The following PCLO variants were observed in gnomAD, a reference collection of about 807,000 sequenced individuals.
The protein encoded by PCLO is piccolo presynaptic cytomatrix protein, also known as protein piccolo.
PCLO carries 82 observed loss-of-function variants against 427.5 expected under a neutral mutation model. The ratio of observed to expected loss-of-function variants is 0.19; its 90% CI spans 0.16 to 0.23. The LOEUF (loss-of-function observed/expected upper bound fraction) is 0.23, where lower values mean the gene tolerates loss of function less well. Among genes scored for constraint, PCLO ranks in the 10% least tolerant of loss-of-function variants. PCLO has a pLI of 1.00. For synonymous variants in PCLO, 2,357 were observed against 2,155.4 expected (o/e 1.09, Z -2.59); for missense variants, 6,239 against 6,115.9 (o/e 1.02, Z -0.67).
intron 3 of PCLO, among the ~76,000 whole-genome samples, chr7:83,075,688 C>T (rs1469525395): frequency 1.3e-5 from 2 of 151,960 alleles, no homozygotes; most frequent in African/African-American, 4.8e-5. Context: ...TGTGTAATGA[C>T]AAGTTAAAAT....
chr7:83,112,198 C>T (rs1273383610), intron 3 of PCLO, among the ~76,000 whole-genome samples: 1 of 152,078 alleles, frequency 6.6e-6, no homozygotes, highest in African/African-American at 2.4e-5. Context: ...GCTGAGATTA[C>T]AAGTGCCCGC....
chr7:82,772,162 C>T (rs1790660213), intron 22 of PCLO, among the ~76,000 whole-genome samples: 1 of 152,096 alleles, frequency 6.6e-6, no homozygotes, highest in African/African-American at 2.4e-5. Context: ...TTTCTCTAAT[C>T]TTTCCAGCAA....
chr7:83,072,289 GAATA>G (rs1789837961), intron 3 of PCLO, among the ~76,000 whole-genome samples: 1 of 151,884 alleles, frequency 6.6e-6, no homozygotes, highest in Non-Finnish European at 1.5e-5. Context: ...ACATATTTTA[GAATA>G]AAAACTTGAC....
At chr7:83,059,931 G>C (rs1789502145) in intron 3 of PCLO, among the ~76,000 whole-genome samples, 2 of 152,164 alleles carry the variant, frequency 1.3e-5, no homozygotes, top group Non-Finnish European at 2.9e-5. Context: ...GATGACTGTA[G>C]CATTTTTTGA....
In PCLO at chr7:82,925,713, C is replaced by CTTTTTT. The variant is rs34017885; in HGVS notation, c.11113-8846_11113-8841dup. On this transcript the variant is annotated intron_variant, in intron 6 of 24. Transcript: ENST00000333891. Reference sequence around the variant, plus strand: ...TGCAAAAGCTCAAGAATTTTTGTTGCTTTTTTTTTTTTTTTTTTTTTTTTG... The same window carrying CTTTTTT: ...TGCAAAAGCTCAAGAATTTTTGTTGCTTTTTTTTTTTTTTTTTTTTTTTTTTTTTTG... Among the ~76,000 whole-genome samples, 207 of 79,008 alleles carry CTTTTTT rather than the reference C, an allele frequency of 2.6e-3. 4 individuals carry two copies. Among genetic ancestry groups the CTTTTTT allele is most frequent in the African/African-American group, 9.1e-3 (187 of 20,646 alleles). 51.8% of individuals were successfully genotyped at this position (79,008 alleles called of 152,430 possible). A position where few individuals can be genotyped will look rare whatever the true frequency, so the allele number is the denominator to read the frequency against.
chr7:82,998,709 A>G (rs1278229600), intron 3 of PCLO, among the ~76,000 whole-genome samples: 1 of 151,930 alleles, frequency 6.6e-6, no homozygotes. Flanking sequence ...CCACCACATT[A>G]CTAAAGGCCT....
At chr7:83,038,022 T>TATA (rs1788851829) in intron 3 of PCLO, among the ~76,000 whole-genome samples, 1 of 55,890 alleles carries the variant, frequency 1.8e-5, no homozygotes, top group Non-Finnish European at 2.8e-5. Context: ...TATATATATA[T>TATA]ATATATATTT....
intron 10 of PCLO, among the ~76,000 whole-genome samples, chr7:82,854,541 T>C (rs959112497): frequency 2.2e-4 from 33 of 152,266 alleles, no homozygotes; most frequent in Non-Finnish European, 1.2e-4. Context: ...TAAATATACA[T>C]ACACAGGAGA....
intron 3 of PCLO, among the ~76,000 whole-genome samples, chr7:83,129,965 T>C (rs902233345): frequency 8.5e-5 from 13 of 152,110 alleles, no homozygotes; most frequent in Non-Finnish European, 1.8e-4. Flanking sequence ...CAATAAAAAG[T>C]ACATCAAATT....
rs887174445 is a variant in PCLO at position 82,755,695 on chromosome 7, G to C, written c.*2880C>G. On this transcript the variant is annotated 3_prime_UTR_variant, in exon 25 of 25. Transcript: ENST00000333891. ...TTCCAATAAAATGAAATAAACTAAA[G>C]AGTGAAAAACCATGTACTGTGATAT... The C allele has an allele frequency of 1.3e-5, 2 of 152,034 alleles. No homozygotes were observed. The highest frequency in any genetic ancestry group is 4.8e-5 in the African/African-American group (2 of 41,418). 9.4% of individuals were successfully genotyped at this position (152,034 alleles called of 1,614,324 possible).
intron 10 of PCLO, among the ~76,000 whole-genome samples, chr7:82,876,032 T>G (rs1365943278): frequency 1.3e-5 from 2 of 152,040 alleles, no homozygotes; most frequent in African/African-American, 4.8e-5. Context: ...ACAGTCTATA[T>G]AATTCTGTAT....
chr7:83,134,188 A>G (rs887086866), intron 3 of PCLO, 62 bp downstream of exon 3: 56 of 529,450 alleles, frequency 1.1e-4, no homozygotes, highest in Non-Finnish European at 1.1e-4. Context: ...AAATGTTTCA[A>G]AATAAACCCA....
chr7:82,880,394 T>C (rs1793476778), intron 9 of PCLO: 1 of 407,490 alleles, frequency 2.5e-6, no homozygotes, highest in Admixed American at 2.7e-5. Flanking sequence ...AATAATGAAA[T>C]ATTTGAATAG....
chr7:82,829,289 A>G (rs1301993107), intron 16 of PCLO, among the ~76,000 whole-genome samples: 2 of 152,150 alleles, frequency 1.3e-5, no homozygotes, highest in Non-Finnish European at 2.9e-5. Context: ...GAGGTGGGTC[A>G]GTCAACCCTC....
intron 6 of PCLO, among the ~76,000 whole-genome samples, chr7:82,945,423 C>T (rs1236223853): frequency 6.6e-6 from 1 of 152,118 alleles, no homozygotes; most frequent in Non-Finnish European, 1.5e-5. Flanking sequence ...ATATTGGAGT[C>T]TTAACCCTTG....
At chr7:82,825,842 A>T (rs954293724) in intron 18 of PCLO, among the ~76,000 whole-genome samples, 5 of 148,232 alleles carry the variant, frequency 3.4e-5, no homozygotes, top group Non-Finnish European at 6.0e-5. Context: ...ATAACATATA[A>T]TGTAAATGTG....
At chr7:82,769,061 G>T (rs1790591540) in intron 22 of PCLO, among the ~76,000 whole-genome samples, 1 of 152,270 alleles carries the variant, frequency 6.6e-6, no homozygotes, top group African/African-American at 2.4e-5. Flanking sequence ...CTAATTTTAA[G>T]TCTAAGGCTC....
intron 24 of PCLO, 63 bp from the exon 25 acceptor site, chr7:82,758,778 C>A: frequency 9.9e-7 from 1 of 1,014,162 alleles, no homozygotes; most frequent in Non-Finnish European, 1.5e-6. Flanking sequence ...GTATAGTTTT[C>A]AACCTTTTTT....
At chr7:82,931,133 T>C (rs1400281037) in intron 6 of PCLO, among the ~76,000 whole-genome samples, 2 of 152,120 alleles carry the variant, frequency 1.3e-5, no homozygotes, top group Non-Finnish European at 2.9e-5. Context: ...TTATTTTACT[T>C]ATATTAACTT....
Sources: gnomAD v4.1 joint callset for allele counts (sites outside exome capture counted in the v4.1 genomes callset) on GRCh38, gnomAD v4.1.1 for gene constraint, MANE v1.5 for transcripts, NCBI Gene and HGNC (gene_info 2026-07-23, HGNC 2026-07-21) for gene names.